The following PLEKHS1 variants were observed in gnomAD, a reference collection of about 807,000 sequenced individuals.
PLEKHS1 encodes pleckstrin homology domain-containing family S member 1.
PLEKHS1 carries 55 observed loss-of-function variants against 51.0 expected under a neutral mutation model. The ratio of observed to expected loss-of-function variants is 1.08; its 90% CI spans 0.87 to 1.35. The LOEUF is 1.35. Ranked by LOEUF, PLEKHS1 falls within the 40% of genes most tolerant of loss-of-function variation. The pLI, the probability that PLEKHS1 is intolerant of heterozygous loss-of-function variation, is 0.00. For synonymous variants in PLEKHS1, 153 were observed against 144.8 expected (o/e 1.06, Z -0.41); for missense variants, 398 against 423.0 (o/e 0.94, Z 0.52).
chr10:113,774,943 G>A lies in PLEKHS1; in HGVS notation c.897G>A (p.Trp299Ter), dbSNP rs989763473. Residue 299 changes from tryptophan (W) to a stop codon, truncating the protein, a stop_gained, in exon 10 of 12, where the codon TGG becomes TGA. Coordinates refer to ENST00000361048, the Ensembl canonical transcript of PLEKHS1. LOFTEE classifies it high-confidence loss of function. Reference sequence around the variant, plus strand: ...AAGAACAAGGCTCAGGAATTGATTGGTGTCTTTCCCCTGCCGATGTGGAAG... The same window carrying A: ...AAGAACAAGGCTCAGGAATTGATTGATGTCTTTCCCCTGCCGATGTGGAAG... 1.2e-6 allele frequency: 2 copies of A among 1,614,124 alleles called. No homozygotes were observed. The highest frequency in any genetic ancestry group is 1.3e-5 in the African/African-American group (1 of 75,028).
At position 113,773,732 on chromosome 10, in the gene PLEKHS1, G is replaced by A. The variant is rs79210461; in HGVS notation, c.673-495G>A. Among the ~76,000 whole-genome samples, 194 of 152,252 alleles carry A rather than the reference G, an allele frequency of 1.3e-3. 1 individual carries two copies. The highest frequency in any genetic ancestry group is 4.4e-3 in the African/African-American group (181 of 41,538). The stretch of plus-strand genomic sequence containing the variant: ...TTTTTGAGCAATCATTGCCACAAGT[G>A]ACTCTCTTTGTTCTAAGGGGGCTAT... On this transcript the variant is annotated intron_variant, in intron 8 of 11. Transcript: ENST00000361048.
exon 10 of PLEKHS1, chr10:113,774,978 C>G: frequency 6.2e-7 from 1 of 1,614,174 alleles, no homozygotes. Flanking sequence ...GCACAGACCA[C>G]AAATGACCAA....
intron 1 of PLEKHS1, among the ~76,000 whole-genome samples, chr10:113,754,943 G>A (rs997854004): frequency 2.0e-5 from 3 of 152,142 alleles, no homozygotes; most frequent in Non-Finnish European, 4.4e-5. Flanking sequence ...GTTGCCATCC[G>A]CCAGCTCTCT....
chr10:113,757,040 C>T (rs914588415), intron 2 of PLEKHS1, among the ~76,000 whole-genome samples: 9 of 151,804 alleles, frequency 5.9e-5, no homozygotes, highest in East Asian at 1.9e-4. Context: ...CTCAGCCTCC[C>T]GAGTAGCTAG....
intron 2 of PLEKHS1, chr10:113,765,320 C>A (rs1844111483): frequency 1.3e-6 from 1 of 777,424 alleles, no homozygotes; most frequent in Non-Finnish European, 2.4e-6. Context: ...ATTCCTCACA[C>A]TGAGGCAAGA....
chr10:113,770,433 A>G (rs1844354423), intron 7 of PLEKHS1, among the ~76,000 whole-genome samples: 1 of 152,202 alleles, frequency 6.6e-6, no homozygotes, highest in African/African-American at 2.4e-5. Context: ...AGCGACTTGT[A>G]ATTGGACCTT....
chr10:113,752,796 A>G (rs887591110), intron 1 of PLEKHS1, among the ~76,000 whole-genome samples: 2 of 152,172 alleles, frequency 1.3e-5, no homozygotes, highest in Non-Finnish European at 2.9e-5. Context: ...CTTTGCAGAC[A>G]CTGGAAGGAC....
intron 2 of PLEKHS1, among the ~76,000 whole-genome samples, chr10:113,762,416 G>T (rs2419879): frequency 0.087 from 12,027 of 138,052 alleles, 665 homozygotes; most frequent in Middle Eastern, 0.17. Flanking sequence ...GTTTCAGGTG[G>T]AAGCTGAGGT....
chr10:113,755,179 A>C, intron 1 of PLEKHS1, 80 bp from the exon 2 acceptor site: 1 of 1,449,632 alleles, frequency 6.9e-7, no homozygotes, highest in Non-Finnish European at 9.3e-7. Flanking sequence ...CAATCCTGAT[A>C]CTCACTGACC....
intron 2 of PLEKHS1, among the ~76,000 whole-genome samples, chr10:113,757,451 G>A (rs953350315): frequency 2.0e-5 from 3 of 152,140 alleles, no homozygotes; most frequent in Admixed American, 6.5e-5. Flanking sequence ...TACTGTAGTC[G>A]AGTGTGTAAT....
chr10:113,764,707 C>T (rs1593020569), intron 2 of PLEKHS1: 1 of 152,176 alleles, frequency 6.6e-6, no homozygotes, highest in East Asian at 1.9e-4. Flanking sequence ...ACTTCAGGGA[C>T]TCCTATTACT....
At chr10:113,768,619 C>T (rs1211473523) in intron 5 of PLEKHS1, among the ~76,000 whole-genome samples, 196 bp from the exon 6 acceptor site, 1 of 152,220 alleles carries the variant, frequency 6.6e-6, no homozygotes. Context: ...CTGAGCTTTC[C>T]TTGCAGAGGT....
intron 8 of PLEKHS1, 56 bp downstream of exon 8, chr10:113,772,145 C>A: frequency 6.3e-7 from 1 of 1,590,558 alleles, no homozygotes. Flanking sequence ...TTACTGAAAC[C>A]CTGCCATGCA....
chr10:113,776,548 C>T (rs758318652), intron 11 of PLEKHS1, among the ~76,000 whole-genome samples: 1 of 152,138 alleles, frequency 6.6e-6, no homozygotes, highest in Non-Finnish European at 1.5e-5. Context: ...ATCTAAGGCT[C>T]AATACACACT....
At chr10:113,767,365 G>T (rs921483443) in exon 5 of PLEKHS1, 3 of 1,607,776 alleles carry the variant, frequency 1.9e-6, no homozygotes, top group African/African-American at 2.7e-5. Flanking sequence ...GTAGAAGTTG[G>T]CATAAGTAGC....
chr10:113,769,060 C>A (rs1844287060), intron 6 of PLEKHS1, among the ~76,000 whole-genome samples, 170 bp downstream of exon 6: 1 of 152,026 alleles, frequency 6.6e-6, no homozygotes, highest in Non-Finnish European at 1.5e-5. Flanking sequence ...GAAAAAAATT[C>A]TTTTGTGTTT....
chr10:113,774,209 T>G lies in PLEKHS1; in HGVS notation c.673-18T>G. The G allele has an allele frequency of 6.8e-7, 1 of 1,470,148 alleles. No individual in the cohort carries two copies. The highest frequency in any genetic ancestry group is 9.4e-7 in the Non-Finnish European group (1 of 1,059,610). The allele number at this position is 1,470,148 out of a possible 1,614,324, so 91.1% of individuals were successfully genotyped here. A position where few individuals can be genotyped will look rare whatever the true frequency, so the allele number is the denominator to read the frequency against. ...ATCGGTAAACTGGGATTCTTACATC[T>G]ATTCCTTTTATCTGCAGTTGGATAA... On this transcript the variant is annotated intron_variant, in intron 8 of 11. Coordinates refer to ENST00000361048, the Ensembl canonical transcript of PLEKHS1.
At chr10:113,753,880 G>A (rs1302642019) in intron 1 of PLEKHS1, among the ~76,000 whole-genome samples, 2 of 149,596 alleles carry the variant, frequency 1.3e-5, no homozygotes, top group South Asian at 2.2e-4. Flanking sequence ...ATGTGATCTC[G>A]GCTCACTACC....
intron 1 of PLEKHS1, among the ~76,000 whole-genome samples, chr10:113,754,883 G>A (rs924313407): frequency 6.6e-6 from 1 of 152,176 alleles, no homozygotes; most frequent in African/African-American, 2.4e-5. Flanking sequence ...TCTCGGCTAC[G>A]TTGGCTCCAT....
Sources: gnomAD v4.1 joint callset for allele counts (sites outside exome capture counted in the v4.1 genomes callset) on GRCh38, gnomAD v4.1.1 for gene constraint, MANE v1.5 for transcripts, NCBI Gene and HGNC (gene_info 2026-07-23, HGNC 2026-07-21) for gene names.